Variants in BRD10 observed in about 807,000 individuals in gnomAD.
The protein encoded by BRD10 is bromodomain containing 10, also known as uncharacterized bromodomain-containing protein 10.
chr9:5,890,982 G>T, the BRD10 span: 2 of 152,272 alleles, frequency 1.3e-5, no homozygotes, highest in East Asian at 3.9e-4. Flanking sequence ...TCTTCTCCCA[G>T]AATAGGATTT....
the BRD10 span, among the ~76,000 whole-genome samples, chr9:5,917,619 A>T: frequency 6.6e-6 from 1 of 152,222 alleles, no homozygotes; most frequent in Admixed American, 6.5e-5. Flanking sequence ...AGATCACCTG[A>T]GGTGGGCGGA....
the BRD10 span, among the ~76,000 whole-genome samples, chr9:5,930,348 T>G: frequency 7.3e-6 from 1 of 137,238 alleles, no homozygotes. Flanking sequence ...GTGCATAAAT[T>G]TCCCAATATA....
the BRD10 span, among the ~76,000 whole-genome samples, chr9:5,926,667 G>A: frequency 2.0e-5 from 3 of 152,098 alleles, no homozygotes; most frequent in African/African-American, 7.2e-5. Flanking sequence ...GAGTAGCTGG[G>A]ACTACAGGTG....
chr9:5,934,079 A>C, the BRD10 span, among the ~76,000 whole-genome samples: 1 of 152,124 alleles, frequency 6.6e-6, no homozygotes, highest in African/African-American at 2.4e-5. Flanking sequence ...ATCGGCAGTC[A>C]TATGAAGAAA....
the BRD10 span, among the ~76,000 whole-genome samples, chr9:5,970,550 A>G: frequency 6.6e-6 from 1 of 152,168 alleles, no homozygotes; most frequent in Non-Finnish European, 1.5e-5. Flanking sequence ...CTGACACCCA[A>G]AAAATAAGCA....
At chr9:5,931,848 C>T in the BRD10 span, among the ~76,000 whole-genome samples, 1 of 152,112 alleles carries the variant, frequency 6.6e-6, no homozygotes. Context: ...TTTTATGTTG[C>T]TCAAAAGCAT....
chr9:5,955,410 G>A, the BRD10 span, among the ~76,000 whole-genome samples: 1 of 152,052 alleles, frequency 6.6e-6, no homozygotes, highest in Non-Finnish European at 1.5e-5. Flanking sequence ...GAAAATGAAT[G>A]CGTACATAAA....
At chr9:5,968,507 C>T in the BRD10 span, 11 of 1,612,718 alleles carry the variant, frequency 6.8e-6, no homozygotes, top group South Asian at 1.1e-4. Context: ...TTCACAAGGC[C>T]TGCGAATTCT....
the BRD10 span, among the ~76,000 whole-genome samples, chr9:5,931,534 T>G: frequency 6.6e-6 from 1 of 152,210 alleles, no homozygotes. Flanking sequence ...ACTTCTTTCA[T>G]ACAACTTACC....
chr9:5,941,609 C>G, the BRD10 span, among the ~76,000 whole-genome samples: 4 of 152,094 alleles, frequency 2.6e-5, no homozygotes, highest in Admixed American at 2.0e-4. Flanking sequence ...AAGCATTTTT[C>G]TCTTCACATT....
chr9:5,944,943 A>T, the BRD10 span: 1 of 1,531,410 alleles, frequency 6.5e-7, no homozygotes, highest in Non-Finnish European at 8.8e-7. Flanking sequence ...TGAGTTCATC[A>T]AGATTAGTGC....
At chr9:5,996,822 C>T in the BRD10 span, among the ~76,000 whole-genome samples, 2 of 152,186 alleles carry the variant, frequency 1.3e-5, no homozygotes, top group African/African-American at 4.8e-5. Context: ...GAACATACTA[C>T]TACTGCTACA....
the BRD10 span, chr9:5,892,696 G>T: frequency 7.8e-6 from 5 of 639,506 alleles, no homozygotes; most frequent in Admixed American, 9.7e-5. Context: ...AAGGGGAGGA[G>T]ATTCTGTGCT....
chr9:5,885,098 C>A, the BRD10 span, among the ~76,000 whole-genome samples: 1 of 152,204 alleles, frequency 6.6e-6, no homozygotes, highest in Non-Finnish European at 1.5e-5. Flanking sequence ...TGGGGCTTCC[C>A]CTTTCGACCC....
the BRD10 span, among the ~76,000 whole-genome samples, chr9:6,002,794 A>G: frequency 1.3e-5 from 2 of 151,280 alleles, no homozygotes; most frequent in African/African-American, 2.4e-5. Context: ...CTCATGCCTC[A>G]GCCTCCCAAG....
chr9:5,993,916 GAC>G, the BRD10 span, among the ~76,000 whole-genome samples: 1 of 152,108 alleles, frequency 6.6e-6, no homozygotes, highest in Non-Finnish European at 1.5e-5. Flanking sequence ...AATTAGGAAA[GAC>G]AGAAAATTTT....
chr9:5,933,856 C>T, the BRD10 span: 1 of 470,446 alleles, frequency 2.1e-6, no homozygotes, highest in Non-Finnish European at 4.4e-6. Context: ...AGTTGGCAAT[C>T]TACTGATGCT....
the BRD10 span, among the ~76,000 whole-genome samples, chr9:5,991,046 G>A: frequency 6.6e-6 from 1 of 152,012 alleles, no homozygotes; most frequent in Non-Finnish European, 1.5e-5. Context: ...AACGAATCAA[G>A]TATATGTATA....
the BRD10 span, among the ~76,000 whole-genome samples, chr9:6,003,230 G>A: frequency 1.3e-5 from 2 of 152,086 alleles, no homozygotes; most frequent in Non-Finnish European, 2.9e-5. Flanking sequence ...TAGTGTCACT[G>A]GTGATGCATC....
Sources: allele counts gnomAD v4.1 joint callset (sites outside exome capture counted in the v4.1 genomes callset), GRCh38; gene constraint gnomAD v4.1.1; transcripts MANE v1.5; gene names NCBI Gene and HGNC (gene_info 2026-07-23, HGNC 2026-07-21).